CSMD1: variants seen among roughly 807,000 people sequenced by gnomAD.
CSMD1 encodes CUB and sushi domain-containing protein 1.
In CSMD1, 213 loss-of-function variants were observed where a neutral mutation model predicts 417.5. The observed-to-expected ratio is 0.51, with a 90% CI of 0.46 to 0.57. The LOEUF is 0.57. Among genes scored for constraint, CSMD1 ranks in the 20% least tolerant of loss-of-function variants. The pLI, the probability that CSMD1 is intolerant of heterozygous loss-of-function variation, is 0.00. For synonymous variants in CSMD1, 2,862 were observed against 1,736.8 expected (o/e 1.65, Z -16.11); for missense variants, 6,923 against 4,529.7 (o/e 1.53, Z -15.17).
chr8:4,937,876 T>G (rs1181797511), intron 1 of CSMD1, among the ~76,000 whole-genome samples: 2 of 152,080 alleles, frequency 1.3e-5, no homozygotes, highest in African/African-American at 4.8e-5. Context: ...ATATTAACAT[T>G]ACAATTTTCA....
chr8:4,039,375 T>C (rs770022350), intron 3 of CSMD1, among the ~76,000 whole-genome samples: 1 of 152,220 alleles, frequency 6.6e-6, no homozygotes, highest in Admixed American at 6.5e-5. Flanking sequence ...CTCTCTCTCC[T>C]GGCTTTGGGA....
intron 3 of CSMD1, among the ~76,000 whole-genome samples, chr8:4,091,695 G>A (rs1234423809): frequency 1.3e-5 from 2 of 152,170 alleles, no homozygotes; most frequent in Non-Finnish European, 2.9e-5. Flanking sequence ...TGAAGACTTA[G>A]GAAAGCTGAT....
chr8:3,372,294 G>A (rs540175421), intron 18 of CSMD1, among the ~76,000 whole-genome samples: 14 of 152,138 alleles, frequency 9.2e-5, no homozygotes, highest in Non-Finnish European at 2.1e-4. Context: ...CAGGGACAGG[G>A]AACAGAAAGG....
chr8:3,982,044 G>T (rs1041612594), intron 5 of CSMD1, among the ~76,000 whole-genome samples: 8 of 151,750 alleles, frequency 5.3e-5, no homozygotes, highest in African/African-American at 9.7e-5. Flanking sequence ...GGTGACGGTC[G>T]CCTGTAATCC....
At position 4,599,093 on chromosome 8, in the gene CSMD1, G is replaced by A. The variant is rs557019749; in HGVS notation, c.302+38249C>T. ...TAACTCTACACAAAGACAATGTTAG[G>A]ATTAAGTAAAAAGTGTTAGAACGTG... is the stretch of plus-strand genomic sequence containing the variant. On this transcript the variant is annotated intron_variant, in intron 2 of 69. Transcript: ENST00000635120. Among the ~76,000 whole-genome samples the A allele has an allele frequency of 1.9e-4, 29 of 152,222 alleles. No individual in the cohort carries two copies. In the South Asian group the frequency reaches 5.0e-3, roughly 26 times the overall value.
chr8:3,606,376 G>A (rs748727144), intron 8 of CSMD1, among the ~76,000 whole-genome samples: 1 of 152,170 alleles, frequency 6.6e-6, no homozygotes, highest in Admixed American at 6.5e-5. Flanking sequence ...CATACGGCAT[G>A]TTACTGTACT....
rs982491025 is a variant in CSMD1 at position 3,338,806 on chromosome 8, CCTTT to C, written c.3631+4484_3631+4487del. Among the ~76,000 whole-genome samples, 8 of 144,072 alleles carry C rather than the reference CCTTT, an allele frequency of 5.6e-5. 1 individual carries two copies. The highest frequency in any genetic ancestry group is 1.4e-4 in the Admixed American group (2 of 14,658). 94.5% of individuals were successfully genotyped at this position (144,072 alleles called of 152,430 possible). A position where few individuals can be genotyped will look rare whatever the true frequency, so the allele number is the denominator to read the frequency against. On this transcript the variant is annotated intron_variant, in intron 23 of 69. Coordinates refer to ENST00000635120, the MANE Select transcript of CSMD1 (RefSeq NM_033225.6). Reference sequence around the variant, plus strand: ...TGCAGATCCAGCTGTTCATCTCCAGCCTTTCTTTTTTTTTTTTTTAAATTTTTAT... The same window carrying C: ...TGCAGATCCAGCTGTTCATCTCCAGCCTTTTTTTTTTTTTTAAATTTTTAT...
rs372216609 is a variant in CSMD1, at chr8:4,664,061, C to G, written c.86-26503G>C. ...TACCTCATGAAATCGCCTCTGTGAA[C>G]TGTGTGGGTTCTGTGTGTGCGTCAT... is the stretch of plus-strand genomic sequence containing the variant. On this transcript the variant is annotated intron_variant, in intron 1 of 69. Transcript: ENST00000635120. Among the ~76,000 whole-genome samples the G allele has an allele frequency of 2.0e-5, 3 of 152,136 alleles. No homozygotes were observed. The East Asian group carries it at 5.8e-4, about 29-fold the overall frequency.
At chr8:4,321,677 T>C (rs1322977146) in intron 3 of CSMD1, among the ~76,000 whole-genome samples, 1 of 152,218 alleles carries the variant, frequency 6.6e-6, no homozygotes, top group East Asian at 1.9e-4. Flanking sequence ...CTGTTCAACA[T>C]TCCTAAGATA....
At chr8:4,853,838 T>C (rs1330645764) in intron 1 of CSMD1, among the ~76,000 whole-genome samples, 1 of 152,224 alleles carries the variant, frequency 6.6e-6, no homozygotes, top group Non-Finnish European at 1.5e-5. Context: ...AGCCCACTCC[T>C]TGCAGTAGTG....
chr8:3,375,885 G>A (rs559511690), intron 18 of CSMD1, among the ~76,000 whole-genome samples: 18 of 152,204 alleles, frequency 1.2e-4, no homozygotes, highest in African/African-American at 3.9e-4. Context: ...TTGCACCTCA[G>A]TTTATAACCA....
At chr8:4,097,103 T>C (rs1048179875) in intron 3 of CSMD1, among the ~76,000 whole-genome samples, 43 of 152,210 alleles carry the variant, frequency 2.8e-4, no homozygotes, top group African/African-American at 8.2e-4. Context: ...AGCACGGCTG[T>C]GCCTTCCCCT....
intron 5 of CSMD1, among the ~76,000 whole-genome samples, chr8:3,978,438 C>A (rs1416857790): frequency 6.6e-6 from 1 of 152,058 alleles, no homozygotes; most frequent in African/African-American, 2.4e-5. Flanking sequence ...ACTCTTGGAA[C>A]CTACCTACCA....
chr8:4,497,528 A>G (rs762142720), intron 2 of CSMD1, among the ~76,000 whole-genome samples: 1 of 152,168 alleles, frequency 6.6e-6, no homozygotes, highest in African/African-American at 2.4e-5. Context: ...CTTGTTCTGT[A>G]TATAGTAGCT....
At chr8:4,957,473 G>A (rs775099888) in intron 1 of CSMD1, among the ~76,000 whole-genome samples, 1 of 152,118 alleles carries the variant, frequency 6.6e-6, no homozygotes. Context: ...GATCATTTCA[G>A]GGAAGACACA....
intron 4 of CSMD1, among the ~76,000 whole-genome samples, chr8:4,009,188 G>C (rs1047617065): frequency 6.6e-6 from 1 of 152,150 alleles, no homozygotes; most frequent in Non-Finnish European, 1.5e-5. Context: ...ATTTCTGTAG[G>C]TTGGGAAAAT....
chr8:4,073,973 C>A (rs1863478), intron 3 of CSMD1, among the ~76,000 whole-genome samples: 2 of 151,800 alleles, frequency 1.3e-5, no homozygotes, highest in African/African-American at 2.4e-5. Flanking sequence ...ATAATAAAAT[C>A]TTTGTCATTG....
At chr8:3,996,008 T>C (rs763590096) in intron 5 of CSMD1, among the ~76,000 whole-genome samples, 3 of 152,196 alleles carry the variant, frequency 2.0e-5, no homozygotes, top group African/African-American at 7.2e-5. Context: ...GCTGATACTC[T>C]CTATGACAAG....
chr8:4,289,998 G>A (rs1052971038), intron 3 of CSMD1, among the ~76,000 whole-genome samples: 1 of 152,188 alleles, frequency 6.6e-6, no homozygotes, highest in Non-Finnish European at 1.5e-5. Context: ...TAAGGAATGT[G>A]TTATGTGCTA....
Sources: gnomAD v4.1 joint callset for allele counts (sites outside exome capture counted in the v4.1 genomes callset) on GRCh38, gnomAD v4.1.1 for gene constraint, MANE v1.5 for transcripts, NCBI Gene and HGNC (gene_info 2026-07-23, HGNC 2026-07-21) for gene names.